The following SASH1 variants were observed in gnomAD, a reference collection of about 807,000 sequenced individuals.
SASH1 encodes the protein SAM and SH3 domain-containing protein 1.
Under a neutral mutation model 125.2 loss-of-function variants are expected in SASH1, and 44 were observed. That is an observed-to-expected ratio of 0.35 (90% confidence interval 0.28 to 0.45). The LOEUF is 0.45. Among genes scored for constraint, SASH1 ranks in the 20% least tolerant of loss-of-function variants. The probability of loss-of-function intolerance (pLI) is 1.00; values close to 1 mark genes in which losing one functional copy is unlikely to be tolerated. For synonymous variants in SASH1, 639 were observed against 649.1 expected, an observed-to-expected ratio of 0.98 and a Z score of 0.24; for missense variants, 1,426 against 1,614.5, an observed-to-expected ratio of 0.88 and a Z score of 2.00.
At position 148,506,059 on chromosome 6, in the gene SASH1, A is replaced by G. The variant is rs917105171; in HGVS notation, c.730-8265A>G. On this transcript the variant is annotated intron_variant, in intron 8 of 19. Coordinates refer to ENST00000367467, the MANE Select transcript of SASH1 (RefSeq NM_015278.5). ...GCTGGGATTACAGGCGTGAGCCACC[A>G]CGCCCGGCCTGGTTGTTGGGTTTTT... 6.0e-5 allele frequency among the ~76,000 whole-genome samples: 9 copies of G among 150,730 alleles called. 1 individual carries two copies. The highest frequency in any genetic ancestry group is 1.2e-4 in the Non-Finnish European group (8 of 67,652).
intron 2 of SASH1, 101 bp downstream of exon 2, chr6:148,390,363 A>G (rs937907882): frequency 7.6e-6 from 9 of 1,179,166 alleles, no homozygotes; most frequent in African/African-American, 3.1e-5. Flanking sequence ...TGGGGTATCA[A>G]TCTGTAGGCT....
chr6:148,198,487 A>G, the SASH1 span, among the ~76,000 whole-genome samples: 89 of 152,360 alleles, frequency 5.8e-4, no homozygotes, highest in Middle Eastern at 6.8e-3. Flanking sequence ...CAAGATGATT[A>G]ACTTTTCTAG....
At chr6:148,283,271 C>G (rs923793500) in intron 1 of SASH1, 2 of 152,346 alleles carry the variant, frequency 1.3e-5, no homozygotes, top group East Asian at 3.9e-4. Flanking sequence ...CCACCTCCCC[C>G]ACAGCTGCGA....
intron 1 of SASH1, among the ~76,000 whole-genome samples, chr6:148,387,624 CTTTCTTTCTTTCT>C (rs1783487605): frequency 6.9e-5 from 2 of 28,862 alleles, no homozygotes; most frequent in African/African-American, 2.5e-4. Context: ...TTCTTTCTTT[CTTTCTTTCTTTCT>C]TTCTTTCTTT....
intron 2 of SASH1, among the ~76,000 whole-genome samples, chr6:148,411,311 C>A (rs1409468015): frequency 6.6e-6 from 1 of 151,626 alleles, no homozygotes; most frequent in Non-Finnish European, 1.5e-5. Context: ...CTTACAGGTA[C>A]CCTAGGGACC....
rs574874531 is a variant in SASH1 at position 148,479,033 on chromosome 6, G to A, written c.627+4811G>A. 3.3e-5 allele frequency: 5 copies of A among 149,618 alleles called. No individual in the cohort carries two copies. In the East Asian group the frequency reaches 5.9e-4, roughly 18 times the overall value. The allele number at this position is 149,618 out of a possible 1,614,324, so 9.3% of individuals were successfully genotyped here. A position where few individuals can be genotyped will look rare whatever the true frequency, so the allele number is the denominator to read the frequency against. ...AAGACATTTACTCCTGGAGAGAGAT[G>A]AGACTGCACTACTTTTTTTTTTTTT... On this transcript the variant is annotated intron_variant, in intron 7 of 19. Coordinates refer to ENST00000367467, the MANE Select transcript of SASH1 (RefSeq NM_015278.5).
the SASH1 span, among the ~76,000 whole-genome samples, chr6:148,253,393 C>A: frequency 5.9e-5 from 9 of 152,206 alleles, no homozygotes; most frequent in South Asian, 2.1e-4. Flanking sequence ...CCCTACCTTA[C>A]ACTATATACA....
chr6:148,373,556 G>GCAGAGGGACATGATCT (rs775802707), intron 1 of SASH1, among the ~76,000 whole-genome samples: 132 of 152,350 alleles, frequency 8.7e-4, no homozygotes, highest in Non-Finnish European at 1.7e-3. Context: ...AGGTTTCTGA[G>GCAGAGGGACATGATCT]CAGAGGGACA....
chr6:148,445,126 A>T (rs1309475476), intron 4 of SASH1, among the ~76,000 whole-genome samples: 1 of 152,192 alleles, frequency 6.6e-6, no homozygotes, highest in Admixed American at 6.5e-5. Flanking sequence ...TTTCATCGCC[A>T]TCTTGGATTT....
chr6:148,312,088 G>A (rs1780346251), intron 1 of SASH1, among the ~76,000 whole-genome samples: 1 of 152,202 alleles, frequency 6.6e-6, no homozygotes, highest in Non-Finnish European at 1.5e-5. Context: ...TTTGGAAAAA[G>A]TCCAACAGTA....
intron 8 of SASH1, among the ~76,000 whole-genome samples, chr6:148,511,335 A>G (rs1780114661): frequency 7.3e-6 from 1 of 137,880 alleles, no homozygotes; most frequent in South Asian, 2.4e-4. Flanking sequence ...ACACACACAC[A>G]CACACACACA....
intron 2 of SASH1, among the ~76,000 whole-genome samples, chr6:148,397,672 T>C (rs901644850): frequency 1.3e-5 from 2 of 152,174 alleles, no homozygotes; most frequent in African/African-American, 4.8e-5. Flanking sequence ...GCAGGGATTT[T>C]TGTTGGTCTG....
the SASH1 span, among the ~76,000 whole-genome samples, chr6:148,203,595 A>G: frequency 1.3e-5 from 2 of 152,218 alleles, no homozygotes; most frequent in African/African-American, 4.8e-5. Flanking sequence ...TAACGTGTTT[A>G]TGTTTTGGAA....
At position 148,533,549 on chromosome 6, in the gene SASH1, G is replaced by A. The variant is rs1430624222; in HGVS notation, c.1735-222G>A. Among the ~76,000 whole-genome samples, 1 of 152,098 alleles carries A rather than the reference G, an allele frequency of 6.6e-6. No individual in the cohort carries two copies. Among genetic ancestry groups the A allele is most frequent in the Non-Finnish European group, 1.5e-5 (1 of 68,022 alleles). ...GCAGGAGGGTGGAGGGGCTGTGACC[G>A]GGGGCCTGCGTGGAATTCCGTACAG... On this transcript the variant is annotated intron_variant, in intron 14 of 19. Coordinates refer to ENST00000367467, the MANE Select transcript of SASH1 (RefSeq NM_015278.5). The surrounding 1 kb of genome is among the most constrained non-coding windows in gnomAD (Gnocchi z 6.2).
At chr6:148,494,997 G>A (rs1298017947) in intron 8 of SASH1, among the ~76,000 whole-genome samples, 1 of 152,140 alleles carries the variant, frequency 6.6e-6, no homozygotes, top group Non-Finnish European at 1.5e-5. Flanking sequence ...GTTTTACTTA[G>A]AGTTTTCAAT....
At chr6:148,486,796 A>G (rs1472980047) in intron 7 of SASH1, among the ~76,000 whole-genome samples, 7 of 148,028 alleles carry the variant, frequency 4.7e-5, no homozygotes, top group Admixed American at 3.4e-4. Flanking sequence ...ATGGTGGTGC[A>G]TGCCTGTAGT....
intron 5 of SASH1, among the ~76,000 whole-genome samples, chr6:148,469,974 C>T (rs1354315307): frequency 6.8e-6 from 1 of 147,912 alleles, no homozygotes. Context: ...TGTAGTGAGC[C>T]AAGATTGCAC....
At chr6:148,514,011 G>C in intron 8 of SASH1, 1 of 1,033,602 alleles carries the variant, frequency 9.7e-7, no homozygotes, top group Non-Finnish European at 1.2e-6. Context: ...ATCGGAGGGA[G>C]AGTCCTGCTG....
chr6:148,462,183 A>T (rs1213224299), intron 4 of SASH1, among the ~76,000 whole-genome samples: 1 of 152,214 alleles, frequency 6.6e-6, no homozygotes, highest in East Asian at 1.9e-4. Flanking sequence ...ATTTCCTGAG[A>T]CTCAAGATTA....
Sources: allele counts gnomAD v4.1 joint callset (sites outside exome capture counted in the v4.1 genomes callset), GRCh38; gene constraint gnomAD v4.1.1; non-coding constraint Gnocchi (gnomAD v3.1); transcripts MANE v1.5; gene names NCBI Gene and HGNC (gene_info 2026-07-23, HGNC 2026-07-21).